Variants in VPS37C observed in about 807,000 individuals in gnomAD.
The protein encoded by VPS37C is vacuolar protein sorting-associated protein 37C.
In VPS37C, 9 loss-of-function variants were observed where a neutral mutation model predicts 16.1. The ratio of observed to expected loss-of-function variants is 0.56; its 90% confidence interval spans 0.34 to 0.97. The LOEUF (loss-of-function observed/expected upper bound fraction) is 0.97, where lower values mean the gene tolerates loss of function less well. Ranked by LOEUF, VPS37C falls within the 50% of genes least tolerant of loss-of-function variation. The pLI is 0.02. For synonymous variants in VPS37C, 207 were observed against 206.4 expected, an observed-to-expected ratio of 1.00 and a Z score of -0.02; for missense variants, 479 against 472.7, an observed-to-expected ratio of 1.01 and a Z score of -0.12.
intron 1 of VPS37C, among the ~76,000 whole-genome samples, chr11:61,153,802 G>A (rs553182940): frequency 6.6e-6 from 1 of 152,300 alleles, no homozygotes; most frequent in African/African-American, 2.4e-5. Flanking sequence ...AGAGAGGAAA[G>A]GGCCACACAG....
In VPS37C at chr11:61,132,610, GA is replaced by G. The variant is rs1469890550; in HGVS notation, c.349-72del. 4.0e-6 allele frequency: 6 copies of G among 1,514,524 alleles called. No individual in the cohort carries two copies. The African/African-American group carries it at 8.4e-5, about 21-fold the overall frequency. The allele number at this position is 1,514,524 out of a possible 1,614,324, so 93.8% of individuals were successfully genotyped here. A position where few individuals can be genotyped will look rare whatever the true frequency, so the allele number is the denominator to read the frequency against. ...GGCCTCTTGATTTTCCCCAGGGTCT[GA>G]GTTCAGCTGCAGCCCTCCCACCTCA... On this transcript the variant is annotated intron_variant, in intron 4 of 4. Coordinates refer to ENST00000301765, the MANE Select transcript of VPS37C (RefSeq NM_017966.5).
At chr11:61,157,594 G>A (rs76681961) in intron 1 of VPS37C, among the ~76,000 whole-genome samples, 11,213 of 152,090 alleles carry the variant, frequency 0.074, 476 homozygotes, top group Non-Finnish European at 0.11. Context: ...GTTGTTTTTT[G>A]TTGTTGGGTA....
Position 61,131,522 on chromosome 11 carries a change from G to A in VPS37C, c.*298C>T, listed in dbSNP as rs1242383363. 1 of 342,712 alleles carries A rather than the reference G, an allele frequency of 2.9e-6. No individual in the cohort carries two copies. The highest frequency in any genetic ancestry group is 5.2e-6 in the Non-Finnish European group (1 of 191,556). 21.2% of individuals were successfully genotyped at this position (342,712 alleles called of 1,614,324 possible). A position where few individuals can be genotyped will look rare whatever the true frequency, so the allele number is the denominator to read the frequency against. On this transcript the variant is annotated 3_prime_UTR_variant, in exon 5 of 5. Transcript: ENST00000301765. ...GCCGCAAGTAGATGCTCATAAATGC[G>A]CACATGCGCTCACTCACACAGACAC...
At chr11:61,158,873 G>T (rs1853420306) in intron 1 of VPS37C, among the ~76,000 whole-genome samples, 1 of 152,198 alleles carries the variant, frequency 6.6e-6, no homozygotes, top group African/African-American at 2.4e-5. Flanking sequence ...AAGTAAACAT[G>T]CCTTTACAGC....
chr11:61,138,698 T>C (rs1286865787), intron 2 of VPS37C, 39 bp downstream of exon 2: 2 of 1,597,698 alleles, frequency 1.3e-6, no homozygotes, highest in Non-Finnish European at 1.7e-6. Context: ...AAGCCTCATC[T>C]GCTGGCCTCT....
At chr11:61,160,633 C>T (rs1205740737) in intron 1 of VPS37C, among the ~76,000 whole-genome samples, 1 of 152,190 alleles carries the variant, frequency 6.6e-6, no homozygotes, top group African/African-American at 2.4e-5. Flanking sequence ...ACTGCCTCAG[C>T]TCAGCGACTA....
Position 61,138,784 on chromosome 11 carries a change from G to T in VPS37C, c.46C>A (p.Gln16Lys). The T allele has an allele frequency of 6.2e-7, 1 of 1,614,090 alleles. No homozygotes were observed. Among genetic ancestry groups the T allele is most frequent in the Non-Finnish European group, 8.5e-7 (1 of 1,180,018 alleles). The change falls in exon 2 of 5, where the codon CAG becomes AAG. Residue 16 changes from glutamine (Q) to lysine (K), a missense_variant. Physicochemically the swap from Gln to Lys is moderately conservative, Grantham distance 53. Coordinates refer to ENST00000301765, the MANE Select transcript of VPS37C (RefSeq NM_017966.5). ...DKTLQELEELQNDSEAIDQLA... is the reference protein window; with the variant it reads ...DKTLQELEELKNDSEAIDQLA... ...TGGTCAATCGCCTCCGAGTCATTCT[G>T]CAACTCCTCCAGCTCCTGCAGGGTC...
chr11:61,156,874 T>C (rs2134659195), intron 1 of VPS37C, among the ~76,000 whole-genome samples: 1 of 152,308 alleles, frequency 6.6e-6, no homozygotes, highest in East Asian at 1.9e-4. Flanking sequence ...TCTGCACCCA[T>C]TAAGCACTAA....
chr11:61,134,278 G>A (rs1361196513), intron 2 of VPS37C, 71 bp from the exon 3 acceptor site: 26 of 1,524,900 alleles, frequency 1.7e-5, no homozygotes, highest in Non-Finnish European at 2.0e-5. Context: ...CCTGGGTCAG[G>A]GGCTTCGGGG....
rs77546786 is a variant in VPS37C, at chr11:61,149,752, T to C, written c.-6-10917A>G. On this transcript the variant is annotated intron_variant, in intron 1 of 4. Coordinates refer to ENST00000301765, the MANE Select transcript of VPS37C (RefSeq NM_017966.5). ...AATTGCTTCATGAAGGAAACTGTCA[T>C]CTTTACATAAATATTTACATAACAA... 6.2e-4 allele frequency among the ~76,000 whole-genome samples: 95 copies of C among 152,322 alleles called. 1 individual carries two copies. The East Asian group carries it at 0.017, about 27-fold the overall frequency.
At chr11:61,134,232 T>C in intron 2 of VPS37C, 25 bp from the exon 3 acceptor site, 1 of 1,595,810 alleles carries the variant, frequency 6.3e-7, no homozygotes, top group Non-Finnish European at 8.6e-7. Flanking sequence ...CAACAGAACC[T>C]AAGGAAAACG....
At chr11:61,149,709 T>A (rs1395613833) in intron 1 of VPS37C, among the ~76,000 whole-genome samples, 1 of 152,220 alleles carries the variant, frequency 6.6e-6, no homozygotes, top group Non-Finnish European at 1.5e-5. Context: ...AGGGGGAATG[T>A]ACAATCTCTC....
intron 1 of VPS37C, among the ~76,000 whole-genome samples, chr11:61,146,007 T>C (rs761764017): frequency 6.6e-6 from 1 of 152,220 alleles, no homozygotes; most frequent in African/African-American, 2.4e-5. Flanking sequence ...ATCGACCCCT[T>C]GAAGACAAGG....
intron 2 of VPS37C, among the ~76,000 whole-genome samples, chr11:61,137,659 G>A (rs900092949): frequency 6.6e-6 from 1 of 152,166 alleles, no homozygotes; most frequent in Non-Finnish European, 1.5e-5. Flanking sequence ...AGTCAGCCCT[G>A]GGGCTTCGAC....
intron 1 of VPS37C, among the ~76,000 whole-genome samples, chr11:61,159,681 T>C (rs1437794082): frequency 1.0e-4 from 15 of 149,104 alleles, no homozygotes; most frequent in Non-Finnish European, 1.5e-4. Context: ...GCCACTGCAC[T>C]CCAGCCTGGG....
At chr11:61,152,012 A>G (rs1230813033) in intron 1 of VPS37C, among the ~76,000 whole-genome samples, 2 of 152,176 alleles carry the variant, frequency 1.3e-5, no homozygotes, top group Non-Finnish European at 2.9e-5. Context: ...TTCAATCTGC[A>G]GCTGTCCATC....
At chr11:61,136,207 C>G (rs1383793285) in intron 2 of VPS37C, among the ~76,000 whole-genome samples, 1 of 149,548 alleles carries the variant, frequency 6.7e-6, no homozygotes, top group Non-Finnish European at 1.5e-5. Flanking sequence ...GCTCTGTTGC[C>G]CAGGCTGGAG....
rs114931065 is a variant in VPS37C, at chr11:61,133,214, C to T, written c.348+41G>A. On this transcript the variant is annotated intron_variant, in intron 4 of 4. Transcript: ENST00000301765. ...CAAGGGCCCCTGCTGCAGGGACTGA[C>T]ACCCCGTCCAGGGAAGAGGGGTGTC... 623 of 1,605,880 alleles carry T rather than the reference C, an allele frequency of 3.9e-4. 7 individuals are homozygous for T. The African/African-American group carries it at 6.8e-3, about 17-fold the overall frequency.
chr11:61,138,924 CTG>C (rs1417840851), intron 1 of VPS37C, 89 bp from the exon 2 acceptor site: 1 of 1,258,244 alleles, frequency 7.9e-7, no homozygotes, highest in East Asian at 2.3e-5. Flanking sequence ...CAAAAACAAA[CTG>C]GAGTTTTCCT....
Sources: gnomAD v4.1 joint callset for allele counts (sites outside exome capture counted in the v4.1 genomes callset) on GRCh38, gnomAD v4.1.1 for gene constraint, MANE v1.5 for transcripts, NCBI Gene and HGNC (gene_info 2026-07-23, HGNC 2026-07-21) for gene names.